CCNY: variants seen among roughly 807,000 people sequenced by gnomAD.
CCNY encodes the protein cyclin Y, also known as cyclin-Y.
Under a neutral mutation model 42.8 loss-of-function variants are expected in CCNY, and 19 were observed. The observed-to-expected ratio is 0.44, with a 90% CI of 0.31 to 0.65. The LOEUF is 0.65. CCNY is among the 30% of genes least tolerant of loss of function. The pLI, the probability that CCNY is intolerant of heterozygous loss-of-function variation, is 0.07. For missense variants in CCNY, 370 were observed against 437.3 expected (o/e 0.85, Z 1.37); for synonymous variants, 165 against 162.7 (o/e 1.01, Z -0.11).
chr10:35,298,846 T>C (rs1835501506), intron 3 of CCNY, among the ~76,000 whole-genome samples: 2 of 152,194 alleles, frequency 1.3e-5, no homozygotes, highest in Admixed American at 6.5e-5. Flanking sequence ...TTTTTGTAAC[T>C]GTAGTTAGTT....
At chr10:35,270,787 G>A (rs1835155206) in intron 3 of CCNY, among the ~76,000 whole-genome samples, 1 of 145,184 alleles carries the variant, frequency 6.9e-6, no homozygotes, top group Admixed American at 7.1e-5. Flanking sequence ...GTGCAGTGGT[G>A]TGATCTCGGC....
intron 8 of CCNY, among the ~76,000 whole-genome samples, chr10:35,564,181 A>G (rs926198716): frequency 1.3e-3 from 3 of 2,362 alleles, no homozygotes; most frequent in Admixed American, 0.011. Context: ...CACCCAGCCT[A>G]AATTCTTAAA....
Position 35,266,249 on chromosome 10 carries a change from CT to C in CCNY, c.-9+15645del, listed in dbSNP as rs773886027. On this transcript the variant is annotated intron_variant, in intron 3 of 11. Coordinates refer to the CCNY transcript ENST00000374706. The stretch of plus-strand genomic sequence containing the variant: ...TGCGCTACCATGCCCGGCTAATTTC[CT>C]TTTTTTTTTTTTTTTTTTTTTGTAT... Among the ~76,000 whole-genome samples the C allele has an allele frequency of 4.7e-3, 515 of 110,134 alleles. 3 individuals carry two copies. Among genetic ancestry groups the C allele is most frequent in the African/African-American group, 0.014 (421 of 29,424 alleles). The allele number at this position is 110,134 out of a possible 152,430, so 72.3% of individuals were successfully genotyped here.
At chr10:35,403,448 A>G (rs993902849) in intron 1 of CCNY, among the ~76,000 whole-genome samples, 10 of 152,238 alleles carry the variant, frequency 6.6e-5, no homozygotes, top group South Asian at 2.1e-4. Context: ...GCCGTGAGGG[A>G]CAGAAGTTGG....
At chr10:35,442,952 C>G (rs962478051) in intron 1 of CCNY, among the ~76,000 whole-genome samples, 1 of 152,210 alleles carries the variant, frequency 6.6e-6, no homozygotes, top group African/African-American at 2.4e-5. Context: ...AGGCTACAAA[C>G]TTGTACAGCA....
chr10:35,466,083 T>G (rs1230274282), intron 1 of CCNY, among the ~76,000 whole-genome samples: 1 of 152,062 alleles, frequency 6.6e-6, no homozygotes, highest in Non-Finnish European at 1.5e-5. Context: ...ATAGAAGACA[T>G]TTTAACTAAT....
chr10:35,542,941 C>A (rs1462886326), intron 7 of CCNY, among the ~76,000 whole-genome samples: 1 of 152,190 alleles, frequency 6.6e-6, no homozygotes, highest in Admixed American at 6.5e-5. Flanking sequence ...TAAGAGTTGC[C>A]ATGCCTATGC....
intron 1 of CCNY, among the ~76,000 whole-genome samples, chr10:35,353,202 C>T (rs986238783): frequency 6.6e-6 from 1 of 152,186 alleles, no homozygotes; most frequent in Non-Finnish European, 1.5e-5. Flanking sequence ...GCTGGGATTA[C>T]AGTCATGAGC....
chr10:35,260,307 A>C (rs554518259), intron 3 of CCNY, among the ~76,000 whole-genome samples: 15 of 152,342 alleles, frequency 9.8e-5, no homozygotes, highest in African/African-American at 3.4e-4. Flanking sequence ...GTTAAAGCAC[A>C]GACCAAATGC....
chr10:35,337,622 G>A (rs1489172276), intron 1 of CCNY, among the ~76,000 whole-genome samples: 1 of 152,208 alleles, frequency 6.6e-6, no homozygotes, highest in African/African-American at 2.4e-5. Flanking sequence ...GAAGTGAGTG[G>A]ATTCCCATTT....
rs890384349 is a variant in CCNY, at chr10:35,336,979, C to A, written c.-75C>A. The A allele has an allele frequency of 1.5e-5, 18 of 1,207,738 alleles. No individual in the cohort carries two copies. In the African/African-American group the frequency reaches 2.7e-4, roughly 18 times the overall value. 74.8% of individuals were successfully genotyped at this position (1,207,738 alleles called of 1,614,324 possible). ...TCCCCACACGCCCCCGCCGCCCGCGCCCCGCGTCCACCCGCGCCCCGCTCC... is the reference window on the plus strand; with the variant it reads ...TCCCCACACGCCCCCGCCGCCCGCGACCCGCGTCCACCCGCGCCCCGCTCC... On this transcript the variant is annotated 5_prime_UTR_variant, in exon 1 of 10. Transcript: ENST00000374704.
chr10:35,465,905 A>AAGAGAGAGAGAGAGAGAGAGAGAGAGAG (rs56166429), intron 1 of CCNY, among the ~76,000 whole-genome samples: 2 of 99,218 alleles, frequency 2.0e-5, no homozygotes, highest in Admixed American at 1.1e-4. Context: ...GGGTAGGGGG[A>AAGAGAGAGAGAGAGAGAGAGAGAGAGAG]AGAGAGAGAG....
Position 35,376,458 on chromosome 10 carries a change from A to G in CCNY, c.154+39251A>G, listed in dbSNP as rs555491838. Reference sequence around the variant, plus strand: ...AAACAAAATGTGGTATATCCATACAATGGGATACAGGTTGAGCATTCCTAA... The same window carrying G: ...AAACAAAATGTGGTATATCCATACAGTGGGATACAGGTTGAGCATTCCTAA... On this transcript the variant is annotated intron_variant, in intron 1 of 9. Coordinates refer to ENST00000374704, the MANE Select transcript of CCNY (RefSeq NM_145012.6). 8.9e-4 allele frequency among the ~76,000 whole-genome samples: 135 copies of G among 152,344 alleles called. No individual in the cohort carries two copies. The Middle Eastern group carries it at 0.02, about 23-fold the overall frequency.
chr10:35,349,296 T>G (rs531266490), intron 1 of CCNY, among the ~76,000 whole-genome samples: 1 of 152,272 alleles, frequency 6.6e-6, no homozygotes, highest in South Asian at 2.1e-4. Flanking sequence ...AGCTGCCTCA[T>G]GGACACAGCA....
chr10:35,361,202 C>T (rs1224751377), intron 1 of CCNY, among the ~76,000 whole-genome samples: 1 of 152,146 alleles, frequency 6.6e-6, no homozygotes, highest in Non-Finnish European at 1.5e-5. Context: ...GTTTCATTTT[C>T]TCTCAGATAT....
At chr10:35,553,329 C>T in intron 8 of CCNY, 144 bp downstream of exon 8, 2 of 728,454 alleles carry the variant, frequency 2.7e-6, no homozygotes. Flanking sequence ...ACAACAGGGG[C>T]ATGGCTGTGG....
intron 4 of CCNY, among the ~76,000 whole-genome samples, chr10:35,521,966 C>A (rs1325828330): frequency 3.3e-5 from 5 of 152,122 alleles, no homozygotes; most frequent in African/African-American, 1.2e-4. Context: ...GGAGATCCAA[C>A]AAAACGGGTG....
intron 3 of CCNY, among the ~76,000 whole-genome samples, chr10:35,260,051 A>G (rs1484212264): frequency 6.6e-6 from 1 of 152,152 alleles, no homozygotes; most frequent in Non-Finnish European, 1.5e-5. Flanking sequence ...GTTGGGACTA[A>G]GAATTTGATC....
At chr10:35,419,992 T>C (rs1320895007) in intron 1 of CCNY, among the ~76,000 whole-genome samples, 1 of 151,952 alleles carries the variant, frequency 6.6e-6, no homozygotes, top group Non-Finnish European at 1.5e-5. Context: ...GATGGTTTCT[T>C]TCTTATCTAG....
Sources: gnomAD v4.1 joint callset for allele counts (sites outside exome capture counted in the v4.1 genomes callset) on GRCh38, gnomAD v4.1.1 for gene constraint, MANE v1.5 for transcripts, NCBI Gene and HGNC (gene_info 2026-07-23, HGNC 2026-07-21) for gene names.